The following ALK variants were observed in gnomAD, a reference collection of about 807,000 sequenced individuals.
The protein encoded by ALK is ALK tyrosine kinase receptor.
ALK carries 74 observed loss-of-function variants against 163.1 expected under a neutral mutation model. That is an observed-to-expected ratio of 0.45 (90% CI 0.38 to 0.55). ALK has a LOEUF of 0.55. Among genes scored for constraint, ALK ranks in the 20% least tolerant of loss-of-function variants. ALK has a pLI of 0.00. For missense variants in ALK, 2,063 were observed against 2,105.3 expected (o/e 0.98, Z 0.39); for synonymous variants, 960 against 843.2 (o/e 1.14, Z -2.40).
At chr2:29,771,362 C>T (rs531423718) in intron 1 of ALK, among the ~76,000 whole-genome samples, 4 of 152,148 alleles carry the variant, frequency 2.6e-5, no homozygotes, top group African/African-American at 9.7e-5. Context: ...GTACATAGGA[C>T]AAGTTCTAAT....
At chr2:29,906,717 C>T (rs184427078) in intron 1 of ALK, among the ~76,000 whole-genome samples, 13 of 152,110 alleles carry the variant, frequency 8.5e-5, no homozygotes, top group Middle Eastern at 3.4e-3. Context: ...TTTGCAAAAA[C>T]GAAAAGAGTA....
intron 6 of ALK, among the ~76,000 whole-genome samples, chr2:29,321,668 G>C (rs1180687590): frequency 6.6e-6 from 1 of 152,170 alleles, no homozygotes; most frequent in African/African-American, 2.4e-5. Context: ...TGCCAGCCTG[G>C]GTCCCTGAGT....
In ALK at chr2:29,238,492, C is replaced by T. The variant is rs185678491; in HGVS notation, c.2355+1188G>A. ...GATTACAGGCATGAACCACCGCACCCGGCCCCTGCAGTTTAATTCTTAGAG... is the reference window on the plus strand; with the variant it reads ...GATTACAGGCATGAACCACCGCACCTGGCCCCTGCAGTTTAATTCTTAGAG... On this transcript the variant is annotated intron_variant, in intron 13 of 28. Coordinates refer to ENST00000389048, the MANE Select transcript of ALK (RefSeq NM_004304.5). Among the ~76,000 whole-genome samples the T allele has an allele frequency of 2.5e-3, 383 of 152,292 alleles. 2 individuals are homozygous for T. Among genetic ancestry groups the T allele is most frequent in the African/African-American group, 8.6e-3 (359 of 41,558 alleles).
chr2:29,193,420 A>C lies in ALK; in HGVS notation c.4667T>G (p.Leu1556Arg). The change falls in exon 29 of 29, where the codon CTC becomes CGC. Residue 1556 changes from leucine to arginine, a missense_variant. By Grantham distance (102) the Leu-to-Arg change is moderately radical. Around this residue, in one of 5 missense-constraint regions of ALK, gnomAD observed 403 missense variants for 366.2 expected, o/e 1.10. Coordinates refer to ENST00000389048, the MANE Select transcript of ALK (RefSeq NM_004304.5). ...ATGRLPGASLLLEPSSLTANM... is the reference protein window; with the variant it reads ...ATGRLPGASLRLEPSSLTANM... Reference sequence around the variant, plus strand: ...GGCAGTCAGCGAAGAGGGCTCTAGGAGCAGTGAGGCCCCCGGAAGTCTCCC... The same window carrying C: ...GGCAGTCAGCGAAGAGGGCTCTAGGCGCAGTGAGGCCCCCGGAAGTCTCCC... 1 of 1,614,172 alleles carries C rather than the reference A, an allele frequency of 6.2e-7. No homozygotes were observed.
intron 3 of ALK, among the ~76,000 whole-genome samples, chr2:29,559,648 CA>C (rs1673964350): frequency 6.6e-6 from 1 of 150,888 alleles, no homozygotes; most frequent in Non-Finnish European, 1.5e-5. Flanking sequence ...ATTTATTTAG[CA>C]CAATCTAATT....
At chr2:29,661,460 C>T (rs548696702) in intron 3 of ALK, among the ~76,000 whole-genome samples, 65 of 152,246 alleles carry the variant, frequency 4.3e-4, no homozygotes, top group African/African-American at 1.5e-3. Context: ...TTCTATGATT[C>T]GGATAAGAAT....
intron 20 of ALK, 24 bp downstream of exon 20, chr2:29,223,318 C>T (rs2276550): frequency 1.9e-6 from 3 of 1,613,240 alleles, no homozygotes; most frequent in South Asian, 1.1e-5. Context: ...CCCTCTCCTC[C>T]CAGGACGGCA....
chr2:29,862,979 T>C (rs575837878), intron 1 of ALK, among the ~76,000 whole-genome samples: 2 of 152,292 alleles, frequency 1.3e-5, no homozygotes, highest in Non-Finnish European at 2.9e-5. Context: ...AGTTAATTGA[T>C]CTTTGACAAA....
intron 3 of ALK, among the ~76,000 whole-genome samples, chr2:29,544,937 T>C (rs1013046281): frequency 3.3e-5 from 5 of 152,138 alleles, no homozygotes; most frequent in African/African-American, 1.2e-4. Context: ...CACAGCATAT[T>C]GGTGGTGGAT....
At chr2:29,466,365 ACT>A (rs945500878) in intron 4 of ALK, among the ~76,000 whole-genome samples, 9 of 149,436 alleles carry the variant, frequency 6.0e-5, no homozygotes, top group East Asian at 1.9e-4. Context: ...ACACACACAC[ACT>A]CTCACACACT....
At chr2:29,841,985 T>C (rs1665714498) in intron 1 of ALK, among the ~76,000 whole-genome samples, 1 of 152,070 alleles carries the variant, frequency 6.6e-6, no homozygotes, top group African/African-American at 2.4e-5. Flanking sequence ...CCTTCTCCTT[T>C]CCTTCCTCCA....
intron 3 of ALK, among the ~76,000 whole-genome samples, chr2:29,675,061 CTCT>C (rs1482886448): frequency 6.6e-6 from 1 of 151,710 alleles, no homozygotes; most frequent in African/African-American, 2.4e-5. Flanking sequence ...TGATTCTTCT[CTCT>C]TTTTTTCTTT....
chr2:29,201,116 T>C (rs1301703229), intron 26 of ALK, among the ~76,000 whole-genome samples: 3 of 150,986 alleles, frequency 2.0e-5, no homozygotes, highest in African/African-American at 7.3e-5. Flanking sequence ...TTGTGGAAGA[T>C]GGTCTCCAGG....
intron 3 of ALK, among the ~76,000 whole-genome samples, chr2:29,609,515 T>C (rs555711664): frequency 2.0e-5 from 3 of 152,358 alleles, no homozygotes; most frequent in African/African-American, 7.2e-5. Flanking sequence ...GAATCCAGAA[T>C]ATTAGATTTG....
chr2:29,468,410 T>A (rs1267405646), intron 4 of ALK, among the ~76,000 whole-genome samples: 1 of 152,200 alleles, frequency 6.6e-6, no homozygotes, highest in Non-Finnish European at 1.5e-5. Flanking sequence ...ACTTGGGAGA[T>A]TAATAAATAT....
intron 2 of ALK, among the ~76,000 whole-genome samples, chr2:29,710,979 T>G (rs1309785014): frequency 6.6e-6 from 1 of 152,206 alleles, no homozygotes; most frequent in Non-Finnish European, 1.5e-5. Context: ...TCTAGATGTC[T>G]TGGTCAACAT....
chr2:29,222,005 G>A (rs1304759046), intron 22 of ALK, among the ~76,000 whole-genome samples: 5 of 152,222 alleles, frequency 3.3e-5, no homozygotes, highest in African/African-American at 1.2e-4. Context: ...AAGGGTCTTG[G>A]AGGGAGATTA....
chr2:29,860,073 G>T (rs1289964365), intron 1 of ALK, among the ~76,000 whole-genome samples: 1 of 152,068 alleles, frequency 6.6e-6, no homozygotes, highest in Admixed American at 6.6e-5. Flanking sequence ...AGAGGGTAGG[G>T]TTAAGCAACA....
chr2:29,645,457 A>G (rs1160154261), intron 3 of ALK, among the ~76,000 whole-genome samples: 1 of 152,126 alleles, frequency 6.6e-6, no homozygotes, highest in Non-Finnish European at 1.5e-5. Flanking sequence ...TCAGATTCCA[A>G]ATACTCTCAT....
Sources: allele counts gnomAD v4.1 joint callset (sites outside exome capture counted in the v4.1 genomes callset), GRCh38; gene constraint gnomAD v4.1.1; regional missense constraint gnomAD v4.1.1; transcripts MANE v1.5; gene names NCBI Gene and HGNC (gene_info 2026-07-23, HGNC 2026-07-21).